Variants in HHAT observed in about 807,000 individuals in gnomAD.
The protein encoded by HHAT is hedgehog acyltransferase, also known as protein-cysteine N-palmitoyltransferase HHAT.
HHAT carries 47 observed loss-of-function variants against 70.8 expected under a neutral mutation model. That is an observed-to-expected ratio of 0.66 (90% CI 0.53 to 0.85). The LOEUF (loss-of-function observed/expected upper bound fraction) is 0.85, where lower values mean the gene tolerates loss of function less well. Among genes scored for constraint, HHAT ranks in the 40% least tolerant of loss-of-function variants. The probability of loss-of-function intolerance (pLI) is 0.00; values close to 1 mark genes in which losing one functional copy is unlikely to be tolerated. For synonymous variants in HHAT, 228 were observed against 247.6 expected, an observed-to-expected ratio of 0.92 and a Z score of 0.74; for missense variants, 609 against 604.8, an observed-to-expected ratio of 1.01 and a Z score of -0.07.
At position 210,374,126 on chromosome 1, in the gene HHAT, C is replaced by A. The variant is rs185544452; in HGVS notation, c.159+11207C>A. The A allele has an allele frequency of 1.8e-3, 279 of 152,248 alleles. 1 individual carries two copies. The highest frequency in any genetic ancestry group is 6.4e-3 in the African/African-American group (265 of 41,554). The allele number at this position is 152,248 out of a possible 1,614,324, so 9.4% of individuals were successfully genotyped here. Reference sequence around the variant, plus strand: ...TAAAGTTGCACCATAATGTTTTCCTCTTTAAGTCTTTTTTTATAAAACATG... The same window carrying A: ...TAAAGTTGCACCATAATGTTTTCCTATTTAAGTCTTTTTTTATAAAACATG... On this transcript the variant is annotated intron_variant, in intron 3 of 11. Transcript: ENST00000261458.
At chr1:210,364,575 G>T (rs1558359510) in intron 3 of HHAT, among the ~76,000 whole-genome samples, 1 of 152,326 alleles carries the variant, frequency 6.6e-6, no homozygotes, top group East Asian at 1.9e-4. Context: ...TGAACACAGG[G>T]TCAGGCCCCA....
chr1:210,655,620 C>T (rs1676223237), intron 11 of HHAT, among the ~76,000 whole-genome samples: 1 of 152,184 alleles, frequency 6.6e-6, no homozygotes, highest in African/African-American at 2.4e-5. Context: ...ACAGAGGTTC[C>T]CTCAGAGCAG....
intron 1 of HHAT, among the ~76,000 whole-genome samples, chr1:210,343,674 G>T (rs1474762327): frequency 3.3e-5 from 5 of 152,182 alleles, no homozygotes; most frequent in Non-Finnish European, 7.3e-5. Flanking sequence ...AAAGCCTGCG[G>T]GTGGTCCCCG....
intron 9 of HHAT, among the ~76,000 whole-genome samples, chr1:210,562,242 A>T (rs1243980185): frequency 6.6e-6 from 1 of 151,522 alleles, no homozygotes; most frequent in African/African-American, 2.4e-5. Context: ...ATCAAGCACT[A>T]ATTAGAGAAG....
intron 3 of HHAT, among the ~76,000 whole-genome samples, chr1:210,384,486 A>C (rs1032832131): frequency 9.2e-5 from 14 of 152,292 alleles, no homozygotes; most frequent in Non-Finnish European, 1.9e-4. Context: ...CTTGTTAGAA[A>C]TATAGAATCC....
chr1:210,400,378 C>A, intron 4 of HHAT, 90 bp from the exon 5 acceptor site: 1 of 1,186,462 alleles, frequency 8.4e-7, no homozygotes. Context: ...GTAGAACCTT[C>A]AATATCACTT....
chr1:210,482,116 A>G (rs1285513579), intron 8 of HHAT, among the ~76,000 whole-genome samples: 1 of 152,186 alleles, frequency 6.6e-6, no homozygotes, highest in Admixed American at 6.5e-5. Context: ...ACAGCACTGT[A>G]CTGTGTTGAG....
rs141131580 is a variant in HHAT, at chr1:210,675,597, T to C, written c.*1218T>C. 6.6e-6 allele frequency: 1 copy of C among 152,206 alleles called. No individual in the cohort carries two copies. Among genetic ancestry groups the C allele is most frequent in the Admixed American group, 6.5e-5 (1 of 15,282 alleles). 9.4% of individuals were successfully genotyped at this position (152,206 alleles called of 1,614,324 possible). On this transcript the variant is annotated 3_prime_UTR_variant, in exon 12 of 12. Coordinates refer to ENST00000261458, the MANE Select transcript of HHAT (RefSeq NM_018194.6). The stretch of plus-strand genomic sequence containing the variant: ...AGTTGTCATTGAGTGAAAGGTTCAC[T>C]TGGACCTAGTGCTGCCTCCTGTTTA...
At chr1:210,395,148 A>C (rs929554521) in intron 4 of HHAT, among the ~76,000 whole-genome samples, 1 of 152,174 alleles carries the variant, frequency 6.6e-6, no homozygotes, top group East Asian at 1.9e-4. Context: ...GCAGATGTGC[A>C]AAAAGAATTA....
chr1:210,479,549 T>C (rs2094359612), intron 8 of HHAT, among the ~76,000 whole-genome samples: 1 of 152,176 alleles, frequency 6.6e-6, no homozygotes, highest in South Asian at 2.1e-4. Context: ...GGTTAAATGA[T>C]TTGCCCAGAG....
At chr1:210,412,112 CT>C (rs2092578824) in intron 6 of HHAT, among the ~76,000 whole-genome samples, 1 of 152,050 alleles carries the variant, frequency 6.6e-6, no homozygotes, top group Non-Finnish European at 1.5e-5. Flanking sequence ...TTTGGCGTCT[CT>C]TTTATAAGGG....
At chr1:210,385,367 A>G (rs1316546808) in intron 3 of HHAT, among the ~76,000 whole-genome samples, 1 of 150,728 alleles carries the variant, frequency 6.6e-6, no homozygotes, top group Non-Finnish European at 1.5e-5. Flanking sequence ...TCATCACATG[A>G]CCTTTGAACT....
At chr1:210,484,323 TGAG>T (rs1386292272) in intron 8 of HHAT, among the ~76,000 whole-genome samples, 5 of 152,190 alleles carry the variant, frequency 3.3e-5, no homozygotes, top group African/African-American at 1.2e-4. Flanking sequence ...ATCCTAATGA[TGAG>T]ATTGATATTA....
intron 9 of HHAT, among the ~76,000 whole-genome samples, chr1:210,544,518 A>G (rs568950199): frequency 6.6e-6 from 1 of 151,940 alleles, no homozygotes; most frequent in East Asian, 1.9e-4. Flanking sequence ...GATTACAGGC[A>G]TGCGCCACCA....
At chr1:210,370,717 C>T (rs1012323005) in intron 3 of HHAT, among the ~76,000 whole-genome samples, 14 of 146,120 alleles carry the variant, frequency 9.6e-5, no homozygotes, top group Non-Finnish European at 1.8e-4. Context: ...CGGGTTCAAG[C>T]GATTCTCTTG....
At chr1:210,540,936 G>A (rs1261734289) in intron 9 of HHAT, among the ~76,000 whole-genome samples, 1 of 152,036 alleles carries the variant, frequency 6.6e-6, no homozygotes, top group Non-Finnish European at 1.5e-5. Flanking sequence ...CGCCTCCTGG[G>A]TCCAAGAAAT....
At chr1:210,650,655 AGAGCATTTG>A (rs1674953634) in intron 11 of HHAT, among the ~76,000 whole-genome samples, 2 of 152,216 alleles carry the variant, frequency 1.3e-5, no homozygotes, top group Non-Finnish European at 2.9e-5. Context: ...GCTCTTAATC[AGAGCATTTG>A]GAAGCTCTTG....
intron 9 of HHAT, among the ~76,000 whole-genome samples, chr1:210,569,899 G>T (rs1655811760): frequency 6.6e-6 from 1 of 152,082 alleles, no homozygotes. Context: ...ACTGCCCCAG[G>T]CAAGCACAGA....
chr1:210,457,380 C>CA (rs1304038149), intron 7 of HHAT, among the ~76,000 whole-genome samples: 10 of 151,562 alleles, frequency 6.6e-5, no homozygotes, highest in Non-Finnish European at 5.9e-5. Flanking sequence ...GCTTTAATCA[C>CA]AAAAAAAAGT....
Sources: gnomAD v4.1 joint callset for allele counts (sites outside exome capture counted in the v4.1 genomes callset) on GRCh38, gnomAD v4.1.1 for gene constraint, MANE v1.5 for transcripts, NCBI Gene and HGNC (gene_info 2026-07-23, HGNC 2026-07-21) for gene names.